Variants in RAPGEF1 observed in about 807,000 individuals in gnomAD.
RAPGEF1 encodes the protein Rap guanine nucleotide exchange factor 1.
Under a neutral mutation model 143.3 loss-of-function variants are expected in RAPGEF1, and 33 were observed. That is an observed-to-expected ratio of 0.23 (90% CI 0.17 to 0.31). RAPGEF1 has a LOEUF of 0.31. Ranked by LOEUF, RAPGEF1 falls within the 10% of genes least tolerant of loss-of-function variation. RAPGEF1 has a pLI of 1.00. For synonymous variants in RAPGEF1, 629 were observed against 676.5 expected, an observed-to-expected ratio of 0.93 and a Z score of 1.09; for missense variants, 1,199 against 1,645.4, an observed-to-expected ratio of 0.73 and a Z score of 4.69.
intron 1 of RAPGEF1, among the ~76,000 whole-genome samples, chr9:131,656,079 C>A (rs961553068): frequency 6.6e-6 from 1 of 152,160 alleles, no homozygotes; most frequent in Non-Finnish European, 1.5e-5. Flanking sequence ...AGGTATTTCA[C>A]AAAATGCCTG....
chr9:131,686,371 T>C (rs775719427), intron 1 of RAPGEF1, among the ~76,000 whole-genome samples: 2 of 152,236 alleles, frequency 1.3e-5, no homozygotes, highest in Non-Finnish European at 2.9e-5. Flanking sequence ...TGAAGACAAC[T>C]GGCTCTGTGG....
chr9:131,643,105 A>C (rs918328569), intron 4 of RAPGEF1, 134 bp downstream of exon 4: 43 of 993,930 alleles, frequency 4.3e-5, no homozygotes, highest in Non-Finnish European at 6.1e-5. Context: ...GGGAGTGGTC[A>C]GGGGAAGGAT....
At chr9:131,591,110 C>T (rs1422177241) in intron 18 of RAPGEF1, among the ~76,000 whole-genome samples, 1 of 152,240 alleles carries the variant, frequency 6.6e-6, no homozygotes, top group African/African-American at 2.4e-5. Flanking sequence ...TGAGTCAGGC[C>T]TGTGAGCAGG....
intron 19 of RAPGEF1, among the ~76,000 whole-genome samples, chr9:131,589,221 G>T (rs563923818): frequency 7.2e-5 from 11 of 152,318 alleles, no homozygotes; most frequent in Admixed American, 5.2e-4. Context: ...GTTGGCGCTG[G>T]ACAAGCGCCA....
At position 131,638,344 on chromosome 9, in the gene RAPGEF1, T is replaced by C. The variant is rs1461742597; in HGVS notation, c.651+291A>G. On this transcript the variant is annotated intron_variant, in intron 5 of 26. Coordinates refer to ENST00000683357, the MANE Select transcript of RAPGEF1 (RefSeq NM_001377935.1). ...AAGTCATTGTGAAAACGATCTCCAT[T>C]GCATTTTGTCTAGCTGGCAAGCATG... Among the ~76,000 whole-genome samples, 3 of 152,216 alleles carry C rather than the reference T, an allele frequency of 2.0e-5. No individual in the cohort carries two copies. In the East Asian group the frequency reaches 5.8e-4, roughly 29 times the overall value.
intron 1 of RAPGEF1, among the ~76,000 whole-genome samples, chr9:131,677,348 A>G (rs1832497565): frequency 1.3e-5 from 2 of 152,232 alleles, no homozygotes; most frequent in Non-Finnish European, 2.9e-5. Context: ...AACAAATACA[A>G]TGTTACTGTA....
chr9:131,593,660 C>T (rs1040412172), intron 17 of RAPGEF1, among the ~76,000 whole-genome samples: 3 of 152,190 alleles, frequency 2.0e-5, no homozygotes, highest in African/African-American at 7.2e-5. Context: ...GAGAGGAAAA[C>T]CCACGCCTGC....
At position 131,589,597 on chromosome 9, in the gene RAPGEF1, C is replaced by G. The variant is rs141096973; in HGVS notation, c.2867+289G>C. Among the ~76,000 whole-genome samples, 5 of 152,348 alleles carry G rather than the reference C, an allele frequency of 3.3e-5. No homozygotes were observed. In the East Asian group the frequency reaches 5.8e-4, roughly 18 times the overall value. ...CCACCATGGCTGGCGGCTGAGAGCACGGCCTGCTGGAGACTGGACCTAAGA... is the reference window on the plus strand; with the variant it reads ...CCACCATGGCTGGCGGCTGAGAGCAGGGCCTGCTGGAGACTGGACCTAAGA... On this transcript the variant is annotated intron_variant, in intron 19 of 26. Transcript: ENST00000683357.
At chr9:131,637,539 T>C (rs946122520) in intron 5 of RAPGEF1, among the ~76,000 whole-genome samples, 3 of 152,110 alleles carry the variant, frequency 2.0e-5, no homozygotes, top group Admixed American at 6.5e-5. Context: ...GTTAGCCTCG[T>C]TGAGTGGGAA....
At chr9:131,698,030 A>G (rs1434283462) in intron 1 of RAPGEF1, among the ~76,000 whole-genome samples, 2 of 152,202 alleles carry the variant, frequency 1.3e-5, no homozygotes, top group African/African-American at 4.8e-5. Flanking sequence ...ACAAGGGCAA[A>G]GACTGTCAAA....
intron 18 of RAPGEF1, among the ~76,000 whole-genome samples, chr9:131,591,165 T>C (rs1032139911): frequency 6.6e-6 from 1 of 152,194 alleles, no homozygotes; most frequent in African/African-American, 2.4e-5. Flanking sequence ...GCTCCGCCAA[T>C]GGAGGATGTC....
At position 131,739,772 on chromosome 9, in the gene RAPGEF1, G is replaced by A; in HGVS notation, c.59C>T (p.Ala20Val). The change falls in exon 1 of 27, where the codon GCA becomes GTA. Residue 20 changes from alanine to valine, a missense_variant and splice_region_variant. By Grantham distance (64) the Ala-to-Val change is moderately conservative. Coordinates refer to ENST00000683357, the MANE Select transcript of RAPGEF1 (RefSeq NM_001377935.1). ...GCCGCCCCACGCCCGCGCCTCACCT[G>A]CTTTCTCGATCTTGCCGGACATTTC... ...SPEMSGKIEK[A>V]DSQRSHLSSF... 2 of 1,175,766 alleles carry A rather than the reference G, an allele frequency of 1.7e-6. No homozygotes were observed. The highest frequency in any genetic ancestry group is 2.1e-6 in the Non-Finnish European group (2 of 933,210). The allele number at this position is 1,175,766 out of a possible 1,614,324, so 72.8% of individuals were successfully genotyped here.
intron 18 of RAPGEF1, 33 bp downstream of exon 18, chr9:131,592,066 T>A (rs1458317982): frequency 1.3e-6 from 2 of 1,523,428 alleles, no homozygotes; most frequent in Admixed American, 3.4e-5. Context: ...ATGCCCATGG[T>A]GCAGGGGCCC....
chr9:131,630,791 C>T (rs1167408647), intron 5 of RAPGEF1, among the ~76,000 whole-genome samples: 3 of 152,082 alleles, frequency 2.0e-5, no homozygotes, highest in African/African-American at 4.8e-5. Context: ...GGGGTGAGGG[C>T]TGGCTGGGAT....
At chr9:131,596,245 G>T in intron 17 of RAPGEF1, 53 bp downstream of exon 17, 1 of 1,566,480 alleles carries the variant, frequency 6.4e-7, no homozygotes, top group Non-Finnish European at 8.8e-7. Flanking sequence ...GGGAGGCCGA[G>T]TGGCACCCGG....
At chr9:131,682,426 C>T (rs1239534035) in intron 1 of RAPGEF1, among the ~76,000 whole-genome samples, 1 of 152,208 alleles carries the variant, frequency 6.6e-6, no homozygotes, top group African/African-American at 2.4e-5. Flanking sequence ...TGCACAAAAG[C>T]TGTGAGCCTT....
Position 131,650,776 on chromosome 9 carries a change from G to A in RAPGEF1, c.201+34C>T, listed in dbSNP as rs751085307. ...CACAAACTCATATTGCTGGAAGCAGGTGAGGCCAGGAGAAACATCCAGAGT... is the reference window on the plus strand; with the variant it reads ...CACAAACTCATATTGCTGGAAGCAGATGAGGCCAGGAGAAACATCCAGAGT... On this transcript the variant is annotated intron_variant, in intron 2 of 26. Coordinates refer to ENST00000683357, the MANE Select transcript of RAPGEF1 (RefSeq NM_001377935.1). The surrounding 1 kb of genome is among the most constrained non-coding windows in gnomAD (Gnocchi z 4.7). 4 of 1,609,032 alleles carry A rather than the reference G, an allele frequency of 2.5e-6. No individual in the cohort carries two copies. Among genetic ancestry groups the A allele is most frequent in the South Asian group, 2.2e-5 (2 of 90,542 alleles).
chr9:131,712,931 C>T (rs978730568), intron 1 of RAPGEF1, among the ~76,000 whole-genome samples: 4 of 152,196 alleles, frequency 2.6e-5, no homozygotes, highest in South Asian at 2.1e-4. Flanking sequence ...GCTCAGAAAG[C>T]GTCTTTTACA....
chr9:131,591,079 G>A (rs1251484767), intron 18 of RAPGEF1, among the ~76,000 whole-genome samples: 1 of 152,262 alleles, frequency 6.6e-6, no homozygotes, highest in Non-Finnish European at 1.5e-5. Flanking sequence ...TCCTTGACAC[G>A]TGTGAGTGAC....
Sources: gnomAD v4.1 joint callset for allele counts (sites outside exome capture counted in the v4.1 genomes callset) on GRCh38, gnomAD v4.1.1 for gene constraint, Gnocchi (gnomAD v3.1) non-coding constraint, MANE v1.5 for transcripts, NCBI Gene and HGNC (gene_info 2026-07-23, HGNC 2026-07-21) for gene names.